STPG2: variants seen among roughly 807,000 people sequenced by gnomAD.
The protein encoded by STPG2 is sperm-tail PG-rich repeat-containing protein 2.
Under a neutral mutation model 54.2 loss-of-function variants are expected in STPG2, and 56 were observed. The observed-to-expected ratio is 1.03, with a 90% confidence interval of 0.83 to 1.29. The LOEUF (loss-of-function observed/expected upper bound fraction) is 1.29, where lower values mean the gene tolerates loss of function less well. Ranked by LOEUF, STPG2 falls within the 50% of genes most tolerant of loss-of-function variation. The probability of loss-of-function intolerance (pLI) is 0.00; values close to 1 mark genes in which losing one functional copy is unlikely to be tolerated. For missense variants in STPG2, 596 were observed against 544.9 expected, an observed-to-expected ratio of 1.09 and a Z score of -0.93; for synonymous variants, 200 against 181.8, an observed-to-expected ratio of 1.10 and a Z score of -0.81.
intron 5 of STPG2, among the ~76,000 whole-genome samples, chr4:98,033,239 C>A (rs1027765487): frequency 6.6e-6 from 1 of 151,574 alleles, no homozygotes; most frequent in Non-Finnish European, 1.5e-5. Context: ...AGAGAAGAAT[C>A]AAATAGATGC....
intron 8 of STPG2, among the ~76,000 whole-genome samples, chr4:97,872,509 C>G (rs1730026232): frequency 6.6e-6 from 1 of 150,782 alleles, no homozygotes; most frequent in African/African-American, 2.4e-5. Flanking sequence ...GTAGAAAACC[C>G]CTATGTATAA....
chr4:97,960,997 G>A (rs1733862330), intron 7 of STPG2, among the ~76,000 whole-genome samples: 1 of 151,750 alleles, frequency 6.6e-6, no homozygotes, highest in Admixed American at 6.6e-5. Context: ...ATAAACATAG[G>A]TGCATAGATC....
At chr4:97,907,065 G>A (rs1731457737) in intron 8 of STPG2, among the ~76,000 whole-genome samples, 1 of 151,862 alleles carries the variant, frequency 6.6e-6, no homozygotes, top group South Asian at 2.1e-4. Context: ...TAGGAAAAGA[G>A]GAAGTCAAAT....
At chr4:97,921,514 C>T (rs1389335545) in intron 8 of STPG2, among the ~76,000 whole-genome samples, 1 of 151,142 alleles carries the variant, frequency 6.6e-6, no homozygotes, top group Non-Finnish European at 1.5e-5. Flanking sequence ...CTGAAAAATT[C>T]CACAGAGAGC....
intron 4 of STPG2, among the ~76,000 whole-genome samples, chr4:97,542,529 A>C (rs754458403): frequency 2.6e-5 from 4 of 152,198 alleles, no homozygotes; most frequent in Non-Finnish European, 5.9e-5. Context: ...GTGGGACTGT[A>C]AACTAGTTCA....
At chr4:98,063,663 A>T in intron 5 of STPG2, among the ~76,000 whole-genome samples, 1 of 132,956 alleles carries the variant, frequency 7.5e-6, no homozygotes, top group Admixed American at 7.3e-5. Flanking sequence ...AGCAATTGGT[A>T]AGTAAATTCA....
At chr4:98,134,145 A>G (rs1051699774) in intron 2 of STPG2, among the ~76,000 whole-genome samples, 4 of 152,026 alleles carry the variant, frequency 2.6e-5, no homozygotes, top group African/African-American at 9.6e-5. Flanking sequence ...CTTATAGAAT[A>G]TGTAGAATAA....
At chr4:97,995,082 T>C (rs1341745563) in intron 5 of STPG2, among the ~76,000 whole-genome samples, 1 of 151,928 alleles carries the variant, frequency 6.6e-6, no homozygotes, top group Non-Finnish European at 1.5e-5. Flanking sequence ...AGGAAAGTGG[T>C]AGAAAGCCAG....
intron 8 of STPG2, among the ~76,000 whole-genome samples, chr4:97,917,824 A>G (rs1731942264): frequency 6.6e-6 from 1 of 152,114 alleles, no homozygotes; most frequent in South Asian, 2.1e-4. Context: ...CTTAGACTAC[A>G]TCCTCTAAAT....
chr4:97,927,406 C>CTCT (rs975246515), intron 8 of STPG2, among the ~76,000 whole-genome samples: 2 of 152,032 alleles, frequency 1.3e-5, no homozygotes, highest in African/African-American at 4.8e-5. Flanking sequence ...GTATATCAAA[C>CTCT]TCTTCTACTG....
At chr4:97,700,707 A>G (rs1306860399) in intron 10 of STPG2, among the ~76,000 whole-genome samples, 1 of 152,196 alleles carries the variant, frequency 6.6e-6, no homozygotes, top group Admixed American at 6.5e-5. Flanking sequence ...GTCTCTCCAA[A>G]TAAGATTATG....
intron 9 of STPG2, among the ~76,000 whole-genome samples, chr4:97,716,302 GATCTAGA>G (rs1724287299): frequency 6.6e-6 from 1 of 152,060 alleles, no homozygotes; most frequent in Non-Finnish European, 1.5e-5. Flanking sequence ...ATTCCTCAAG[GATCTAGA>G]ACCAGAAATA....
rs78995561 is a variant in STPG2, at chr4:97,754,494, T to C, written c.1205-41680A>G. On this transcript the variant is annotated intron_variant, in intron 9 of 10. Coordinates refer to ENST00000295268, the MANE Select transcript of STPG2 (RefSeq NM_174952.3). ...TGGATTCTAGAATTGCAAATAAAAGTCTATTAAGGTATTTGAACTAAATTT... is the reference window on the plus strand; with the variant it reads ...TGGATTCTAGAATTGCAAATAAAAGCCTATTAAGGTATTTGAACTAAATTT... Among the ~76,000 whole-genome samples the C allele has an allele frequency of 4.4e-3, 673 of 152,218 alleles. 6 individuals are homozygous for C. Among genetic ancestry groups the C allele is most frequent in the African/African-American group, 0.015 (626 of 41,550 alleles).
chr4:97,539,499 T>C (rs1167302533), intron 4 of STPG2, among the ~76,000 whole-genome samples: 7 of 152,220 alleles, frequency 4.6e-5, no homozygotes, highest in African/African-American at 1.7e-4. Flanking sequence ...CTAACTATCG[T>C]AAATATTTAT....
chr4:97,587,108 A>G (rs1450354922), intron 10 of STPG2, among the ~76,000 whole-genome samples: 2 of 151,964 alleles, frequency 1.3e-5, no homozygotes, highest in African/African-American at 4.8e-5. Flanking sequence ...ACTCATCTTA[A>G]TATGTCCATT....
At chr4:97,528,617 C>A (rs563181830) in intron 4 of STPG2, among the ~76,000 whole-genome samples, 1 of 152,208 alleles carries the variant, frequency 6.6e-6, no homozygotes, top group African/African-American at 2.4e-5. Context: ...GATATTGATT[C>A]TTCCTATCCA....
chr4:98,056,442 T>A (rs1325780674), intron 5 of STPG2, among the ~76,000 whole-genome samples: 1 of 152,140 alleles, frequency 6.6e-6, no homozygotes, highest in Admixed American at 6.5e-5. Flanking sequence ...TGCACCTTGG[T>A]GCCCCCAGCG....
chr4:98,019,293 T>C (rs1315648177), intron 5 of STPG2, among the ~76,000 whole-genome samples: 2 of 152,206 alleles, frequency 1.3e-5, no homozygotes, highest in Non-Finnish European at 2.9e-5. Context: ...CCATTGCTTG[T>C]TTTTGTCAGG....
intron 9 of STPG2, among the ~76,000 whole-genome samples, chr4:97,787,296 G>A (rs1726856912): frequency 6.6e-6 from 1 of 151,986 alleles, no homozygotes; most frequent in African/African-American, 2.4e-5. Context: ...ATCATATTGA[G>A]GAAGACTACT....
Sources: gnomAD v4.1 joint callset for allele counts (sites outside exome capture counted in the v4.1 genomes callset) on GRCh38, gnomAD v4.1.1 for gene constraint, MANE v1.5 for transcripts, NCBI Gene and HGNC (gene_info 2026-07-23, HGNC 2026-07-21) for gene names.